The following ATP1A1 variants were observed in gnomAD, a reference collection of about 807,000 sequenced individuals.
ATP1A1 encodes ATPase Na+/K+ transporting subunit alpha 1.
Under a neutral mutation model 114.8 loss-of-function variants are expected in ATP1A1, and 14 were observed. That is an observed-to-expected ratio of 0.12 (90% CI 0.08 to 0.19). The LOEUF (loss-of-function observed/expected upper bound fraction) is 0.19, where lower values mean the gene tolerates loss of function less well. Among genes scored for constraint, ATP1A1 ranks in the 10% least tolerant of loss-of-function variants. The pLI is 1.00. For missense variants in ATP1A1, 524 were observed against 1,290.7 expected, an observed-to-expected ratio of 0.41 and a Z score of 9.10; for synonymous variants, 471 against 466.3, an observed-to-expected ratio of 1.01 and a Z score of -0.13.
intron 9 of ATP1A1, 77 bp downstream of exon 9, chr1:116,390,488 A>AT: frequency 7.1e-7 from 1 of 1,417,652 alleles, no homozygotes; most frequent in South Asian, 1.4e-5. Context: ...AATTGCATGA[A>AT]ATTTCTTTTT....
At position 116,384,730 on chromosome 1, in the gene ATP1A1, A is replaced by G; in HGVS notation, c.124-53A>G. ...AATGAATAATGCTATTTTTTCTGTC[A>G]TTTTTTTATACTACACTGTTTAACT... is the stretch of plus-strand genomic sequence containing the variant. On this transcript the variant is annotated intron_variant, in intron 2 of 22. Coordinates refer to ENST00000295598, the MANE Select transcript of ATP1A1 (RefSeq NM_000701.8). The surrounding 1 kb of genome is among the most constrained non-coding windows in gnomAD (Gnocchi z 5.1). 6.8e-7 allele frequency: 1 copy of G among 1,477,134 alleles called. No individual in the cohort carries two copies. The highest frequency in any genetic ancestry group is 1.2e-5 in the South Asian group (1 of 80,808). 91.5% of individuals were successfully genotyped at this position (1,477,134 alleles called of 1,614,324 possible).
At position 116,387,657 on chromosome 1, in the gene ATP1A1, G is replaced by A. The variant is rs1228844254; in HGVS notation, c.387+166G>A. ...TTCAAGGCTCATCCATTCTTCCTTCGTTTCCATTTCCTCTCTCTACCACCC... is the reference window on the plus strand; with the variant it reads ...TTCAAGGCTCATCCATTCTTCCTTCATTTCCATTTCCTCTCTCTACCACCC... On this transcript the variant is annotated intron_variant, in intron 4 of 22. Transcript: ENST00000295598. This position sits in a 1 kb window ranked among gnomAD's most constrained non-coding sequence, Gnocchi z 6.7. Among the ~76,000 whole-genome samples the A allele has an allele frequency of 3.9e-5, 6 of 152,076 alleles. No individual in the cohort carries two copies. Among genetic ancestry groups the A allele is most frequent in the South Asian group, 4.1e-4 (2 of 4,830 alleles).
rs78255410 is a variant in ATP1A1 at position 116,402,917 on chromosome 1, C to T, written c.2952-967C>T. On this transcript the variant is annotated intron_variant, in intron 21 of 22. Coordinates refer to ENST00000295598, the MANE Select transcript of ATP1A1 (RefSeq NM_000701.8). ...TTCTCTGTGCATCCCCAGCTCCCTA[C>T]ACAAAGCTGGTGTACAGCAGGGGCC... Among the ~76,000 whole-genome samples the T allele has an allele frequency of 1.2e-4, 18 of 152,346 alleles. No individual in the cohort carries two copies. The East Asian group carries it at 3.5e-3, about 29-fold the overall frequency.
rs988685157 is a variant in ATP1A1, at chr1:116,393,055, G to A, written c.1467+67G>A. 2.2e-5 allele frequency: 34 copies of A among 1,580,534 alleles called. No individual in the cohort carries two copies. In the African/African-American group the frequency reaches 3.7e-4, roughly 17 times the overall value. ...GGGGACAAAGAGGGGAGGTACATGA[G>A]CAGGAAGAGGAAATATTCTCCCTTT... On this transcript the variant is annotated intron_variant, in intron 11 of 22. Coordinates refer to ENST00000295598, the MANE Select transcript of ATP1A1 (RefSeq NM_000701.8). This position sits in a 1 kb window ranked among gnomAD's most constrained non-coding sequence, Gnocchi z 5.0.
intron 1 of ATP1A1, among the ~76,000 whole-genome samples, chr1:116,375,170 G>A (rs917371134): frequency 6.6e-6 from 1 of 152,142 alleles, no homozygotes; most frequent in Non-Finnish European, 1.5e-5. Flanking sequence ...AATTTTGGGG[G>A]GTTTAGACAT....
Position 116,388,778 on chromosome 1 carries a change from T to C in ATP1A1, c.636+6T>C, listed in dbSNP as rs764298743. Reference sequence around the variant, plus strand: ...TATCTGCAAATGGCTGCAAGGTAGCTCTTTTATTTTAACAAACCTCATAGC... The same window carrying C: ...TATCTGCAAATGGCTGCAAGGTAGCCCTTTTATTTTAACAAACCTCATAGC... On this transcript the variant is annotated splice_donor_region_variant and intron_variant, in intron 6 of 22. Coordinates refer to ENST00000295598, the MANE Select transcript of ATP1A1 (RefSeq NM_000701.8). The surrounding 1 kb of genome is among the most constrained non-coding windows in gnomAD (Gnocchi z 5.6). The C allele has an allele frequency of 1.9e-6, 3 of 1,613,892 alleles. No homozygotes were observed. Among genetic ancestry groups the C allele is most frequent in the South Asian group, 2.2e-5 (2 of 91,034 alleles).
chr1:116,374,554 C>T (rs1481787298), intron 1 of ATP1A1, among the ~76,000 whole-genome samples: 1 of 152,200 alleles, frequency 6.6e-6, no homozygotes, highest in Non-Finnish European at 1.5e-5. Context: ...GGAATATCGT[C>T]ACAACGCCGC....
intron 9 of ATP1A1, 118 bp downstream of exon 9, chr1:116,390,529 C>CTTTTTTTTTTTTTTTTTT (rs1261190970): frequency 2.2e-6 from 2 of 906,370 alleles, no homozygotes; most frequent in African/African-American, 5.0e-5. Context: ...CTTTTTCTTT[C>CTTTTTTTTTTTTTTTTTT]TTTTTTGTTT....
Position 116,392,180 on chromosome 1 carries a change from T to C in ATP1A1, c.1333-674T>C, listed in dbSNP as rs549025134. On this transcript the variant is annotated intron_variant, in intron 10 of 22. Coordinates refer to ENST00000295598, the MANE Select transcript of ATP1A1 (RefSeq NM_000701.8). ...AAAATGCTTTCAGTATGTCAAAATA[T>C]AAGTGTGTCATCATGTATCATAGAA... The C allele has an allele frequency of 2.6e-5, 4 of 152,376 alleles. No homozygotes were observed. In the South Asian group the frequency reaches 8.3e-4, roughly 32 times the overall value. The allele number at this position is 152,376 out of a possible 1,614,324, so 9.4% of individuals were successfully genotyped here.
At position 116,389,518 on chromosome 1, in the gene ATP1A1, A is replaced by G. The variant is rs899341780; in HGVS notation, c.834A>G (p.Glu278=). The G allele has an allele frequency of 6.2e-7, 1 of 1,614,200 alleles. No individual in the cohort carries two copies. The highest frequency in any genetic ancestry group is 8.5e-7 in the Non-Finnish European group (1 of 1,180,030). ...GRIATLASGL[E]GGQTPIAAEI... The stretch of plus-strand genomic sequence containing the variant: ...TTGCCACACTTGCTTCTGGGCTGGA[A>G]GGAGGCCAGACCCCCATTGCTGCAG... The change falls in exon 8 of 23, where the codon GAA becomes GAG. Residue 278 remains glutamate (E), a synonymous_variant. Coordinates refer to ENST00000295598, the MANE Select transcript of ATP1A1 (RefSeq NM_000701.8). This position sits in a 1 kb window ranked among gnomAD's most constrained non-coding sequence, Gnocchi z 6.9.
In ATP1A1 at chr1:116,404,676, G is replaced by A; in HGVS notation, c.*232G>A. 2.3e-6 allele frequency: 3 copies of A among 1,290,124 alleles called. No homozygotes were observed. The highest frequency in any genetic ancestry group is 2.9e-6 in the Non-Finnish European group (3 of 1,024,058). The allele number at this position is 1,290,124 out of a possible 1,614,324, so 79.9% of individuals were successfully genotyped here. A position where few individuals can be genotyped will look rare whatever the true frequency, so the allele number is the denominator to read the frequency against. ...AAATGACAGCGGGGAAGGTTTTTAT[G>A]TGCCTTTTTGTTTTTGTAAAAAAGG... On this transcript the variant is annotated 3_prime_UTR_variant, in exon 23 of 23. Transcript: ENST00000295598. This position sits in a 1 kb window ranked among gnomAD's most constrained non-coding sequence, Gnocchi z 4.8.
At position 116,393,881 on chromosome 1, in the gene ATP1A1, ATTATT is replaced by A. The variant is rs1015807543; in HGVS notation, c.1660+161_1660+165del. ...CCTCCTATTTGTTTATTTGCCCCCT[ATTATT>A]TTGAAAACAATAAGTGCTGAAGAAA... On this transcript the variant is annotated intron_variant, in intron 12 of 22. Coordinates refer to ENST00000295598, the MANE Select transcript of ATP1A1 (RefSeq NM_000701.8). This position sits in a 1 kb window ranked among gnomAD's most constrained non-coding sequence, Gnocchi z 5.0. 6.6e-6 allele frequency among the ~76,000 whole-genome samples: 1 copy of A among 152,164 alleles called. No individual in the cohort carries two copies. Among genetic ancestry groups the A allele is most frequent in the Non-Finnish European group, 1.5e-5 (1 of 68,026 alleles).
chr1:116,400,767 G>A lies in ATP1A1; in HGVS notation c.2573-94G>A, dbSNP rs1357521227. ...ACCAGGGGGAAACACTCCTCCATAT[G>A]TGCTCTCCCAGGCCTGCTGCAGTAA... is the stretch of plus-strand genomic sequence containing the variant. On this transcript the variant is annotated intron_variant, in intron 18 of 22. Transcript: ENST00000295598. 6.2e-6 allele frequency: 9 copies of A among 1,442,740 alleles called. No homozygotes were observed. The Admixed American group carries it at 9.3e-5, about 15-fold the overall frequency. 89.4% of individuals were successfully genotyped at this position (1,442,740 alleles called of 1,614,324 possible).
At position 116,387,389 on chromosome 1, in the gene ATP1A1, G is replaced by A. The variant is rs773055466; in HGVS notation, c.285G>A (p.Gln95=). 6 of 1,614,224 alleles carry A rather than the reference G, an allele frequency of 3.7e-6. No individual in the cohort carries two copies. In the South Asian group the frequency reaches 5.5e-5, roughly 15 times the overall value. ...CTGAATGGATCAAGTTTTGTCGGCA[G>A]CTCTTTGGGGGGTTCTCAATGTTAC... ...TTPEWIKFCR[Q]LFGGFSMLLW... is the part of the protein sequence containing the mutation. The change falls in exon 4 of 23, where the codon CAG becomes CAA. Residue 95 remains glutamine (Q), a synonymous_variant. Coordinates refer to ENST00000295598, the MANE Select transcript of ATP1A1 (RefSeq NM_000701.8). The surrounding 1 kb of genome is among the most constrained non-coding windows in gnomAD (Gnocchi z 6.7).
intron 1 of ATP1A1, among the ~76,000 whole-genome samples, chr1:116,378,502 T>C (rs1035541167): frequency 7.2e-5 from 11 of 152,228 alleles, no homozygotes; most frequent in African/African-American, 2.7e-4. Flanking sequence ...ATTTTGTGAC[T>C]CAGTGGGCCT....
Position 116,384,207 on chromosome 1 carries a change from A to G in ATP1A1, c.123+83A>G, listed in dbSNP as rs1651931656. On this transcript the variant is annotated intron_variant, in intron 2 of 22. Coordinates refer to ENST00000295598, the MANE Select transcript of ATP1A1 (RefSeq NM_000701.8). The surrounding 1 kb of genome is among the most constrained non-coding windows in gnomAD (Gnocchi z 5.1). ...CCCCCAGGCCTCACTGTATTCTTCA[A>G]AGAACTGCTATATATTAAAAGAGAT... The G allele has an allele frequency of 1.6e-5, 17 of 1,077,690 alleles. No homozygotes were observed. In the South Asian group the frequency reaches 2.3e-4, roughly 14 times the overall value. The allele number at this position is 1,077,690 out of a possible 1,614,324, so 66.8% of individuals were successfully genotyped here. A position where few individuals can be genotyped will look rare whatever the true frequency, so the allele number is the denominator to read the frequency against.
In ATP1A1 at chr1:116,397,023, A is replaced by G. The variant is rs1652986981; in HGVS notation, c.1973+289A>G. 6.6e-6 allele frequency among the ~76,000 whole-genome samples: 1 copy of G among 152,220 alleles called. No individual in the cohort carries two copies. The highest frequency in any genetic ancestry group is 1.5e-5 in the Non-Finnish European group (1 of 68,040). Reference sequence around the variant, plus strand: ...CAAGAGGCTTTTGAAGTACCTCAGAACTGGTGAAATCATGCAGTAAATTCA... The same window carrying G: ...CAAGAGGCTTTTGAAGTACCTCAGAGCTGGTGAAATCATGCAGTAAATTCA... On this transcript the variant is annotated intron_variant, in intron 14 of 22. Coordinates refer to ENST00000295598, the MANE Select transcript of ATP1A1 (RefSeq NM_000701.8). This position sits in a 1 kb window ranked among gnomAD's most constrained non-coding sequence, Gnocchi z 4.2.
In ATP1A1 at chr1:116,401,581, T is replaced by A; in HGVS notation, c.2877T>A (p.Phe959Leu). The A allele has an allele frequency of 6.2e-7, 1 of 1,614,248 alleles. No individual in the cohort carries two copies. Among genetic ancestry groups the A allele is most frequent in the Non-Finnish European group, 8.5e-7 (1 of 1,180,038 alleles). Residue 959 changes from phenylalanine (F) to leucine (L), a missense_variant, in exon 21 of 23, where the codon TTT (phenylalanine) becomes TTA (leucine). Phe to Leu is a conservative substitution (Grantham distance 22). Transcript: ENST00000295598. This position sits in a 1 kb window ranked among gnomAD's most constrained non-coding sequence, Gnocchi z 4.7. ...MKNKILIFGLFEETALAAFLS... is the reference protein window; with the variant it reads ...MKNKILIFGLLEETALAAFLS... ...ACAAGATCTTGATATTTGGCCTCTT[T>A]GAAGAGACAGCCCTGGCTGCTTTCC...
rs1653440275 is a variant in ATP1A1 at position 116,401,107 on chromosome 1, ATCT to A, written c.2719-19_2719-17del. 6.2e-7 allele frequency: 1 copy of A among 1,613,836 alleles called. No homozygotes were observed. Among genetic ancestry groups the A allele is most frequent in the South Asian group, 1.1e-5 (1 of 91,086 alleles). ...CCATGCAGGTGAAGAGCCAGAGCTC[ATCT>A]TCTGTCTTCTGCATTTCAGACCTAT... On this transcript the variant is annotated intron_variant, in intron 19 of 22. Coordinates refer to ENST00000295598, the MANE Select transcript of ATP1A1 (RefSeq NM_000701.8). The surrounding 1 kb of genome is among the most constrained non-coding windows in gnomAD (Gnocchi z 4.7).
Sources: allele counts gnomAD v4.1 joint callset (sites outside exome capture counted in the v4.1 genomes callset), GRCh38; gene constraint gnomAD v4.1.1; non-coding constraint Gnocchi (gnomAD v3.1); transcripts MANE v1.5; gene names NCBI Gene and HGNC (gene_info 2026-07-23, HGNC 2026-07-21).